The following COL26A1 variants were observed in gnomAD, a reference collection of about 807,000 sequenced individuals.
COL26A1 encodes collagen alpha-1(XXVI) chain.
Under a neutral mutation model 59.3 loss-of-function variants are expected in COL26A1, and 41 were observed. That is an observed-to-expected ratio of 0.69 (90% CI 0.54 to 0.90). The LOEUF is 0.90. COL26A1 is among the 40% of genes least tolerant of loss of function. The probability of loss-of-function intolerance (pLI) is 0.00; values close to 1 mark genes in which losing one functional copy is unlikely to be tolerated. For synonymous variants in COL26A1, 266 were observed against 256.0 expected (o/e 1.04, Z -0.37); for missense variants, 612 against 602.3 (o/e 1.02, Z -0.17).
At chr7:101,484,780 A>C (rs1188447473) in intron 3 of COL26A1, among the ~76,000 whole-genome samples, 1 of 152,034 alleles carries the variant, frequency 6.6e-6, no homozygotes, top group Non-Finnish European at 1.5e-5. Flanking sequence ...CTCCTGCCTC[A>C]GCCTCCCGAG....
intron 1 of COL26A1, among the ~76,000 whole-genome samples, chr7:101,400,020 G>A (rs1791953657): frequency 6.6e-6 from 1 of 152,254 alleles, no homozygotes; most frequent in South Asian, 2.1e-4. Flanking sequence ...GTGGTACAGT[G>A]GCTGCGAGTG....
chr7:101,552,644 C>T (rs764133784), intron 10 of COL26A1, among the ~76,000 whole-genome samples: 13 of 151,456 alleles, frequency 8.6e-5, no homozygotes, highest in Admixed American at 2.6e-4. Context: ...CGGTGGCTCA[C>T]GCCTGTAATC....
At chr7:101,385,292 G>T (rs895081186) in intron 1 of COL26A1, among the ~76,000 whole-genome samples, 4 of 149,920 alleles carry the variant, frequency 2.7e-5, no homozygotes, top group African/African-American at 9.8e-5. Context: ...TAGTATGTGT[G>T]TGTATATACG....
intron 1 of COL26A1, among the ~76,000 whole-genome samples, chr7:101,363,547 GGTTGGGGGCTGCAGACGGGGCA>G (rs1790958880): frequency 8.2e-6 from 1 of 121,608 alleles, no homozygotes; most frequent in African/African-American, 3.2e-5. Flanking sequence ...GGGCGGCGGG[GGTTGGGGGCTGCAGACGGGGCA>G]GCTGGAACGA....
rs376261236 is a variant in COL26A1, at chr7:101,419,966, T to G, written c.159-11T>G. ...CAGGCAGGGCTCATGTGACTGTTGC[T>G]CTCTCCACAGGCACTGGTGCCATCA... On this transcript the variant is annotated splice_polypyrimidine_tract_variant and intron_variant, in intron 1 of 12. Coordinates refer to ENST00000313669, the MANE Select transcript of COL26A1 (RefSeq NM_001278563.3). 7 of 1,613,016 alleles carry G rather than the reference T, an allele frequency of 4.3e-6. No homozygotes were observed. The African/African-American group carries it at 6.7e-5, about 15-fold the overall frequency.
intron 1 of COL26A1, among the ~76,000 whole-genome samples, chr7:101,415,979 C>T (rs2130258952): frequency 8.4e-6 from 1 of 118,408 alleles, no homozygotes; most frequent in South Asian, 2.8e-4. Flanking sequence ...TATGTATTTT[C>T]CTAGAAAATT....
chr7:101,544,021 C>T lies in COL26A1; in HGVS notation c.628C>T (p.Pro210Ser), dbSNP rs1211434592. ...PAGPPGQTGP[P>S]GPAGPPGSKG... ...AGGGCCCCCGGGGCAGACAGGACCACCAGGGCCTGCAGGCCCCCCCGGGTC... is the reference window on the plus strand; with the variant it reads ...AGGGCCCCCGGGGCAGACAGGACCATCAGGGCCTGCAGGCCCCCCCGGGTC... The change falls in exon 6 of 13, where the codon CCA becomes TCA. Residue 210 changes from proline (P) to serine (S), a missense_variant. Physicochemically the swap from Pro to Ser is moderately conservative, Grantham distance 74. Coordinates refer to ENST00000313669, the MANE Select transcript of COL26A1 (RefSeq NM_001278563.3). 3 of 1,591,110 alleles carry T rather than the reference C, an allele frequency of 1.9e-6. No individual in the cohort carries two copies. The highest frequency in any genetic ancestry group is 2.3e-5 in the East Asian group (1 of 43,966).
At chr7:101,448,409 A>G (rs1793252396) in intron 3 of COL26A1, among the ~76,000 whole-genome samples, 1 of 152,168 alleles carries the variant, frequency 6.6e-6, no homozygotes, top group South Asian at 2.1e-4. Flanking sequence ...AGTCCTGCCT[A>G]ATGAACAAGT....
chr7:101,410,138 C>T (rs1792211142), intron 1 of COL26A1, among the ~76,000 whole-genome samples: 1 of 151,850 alleles, frequency 6.6e-6, no homozygotes. Context: ...GGCATGAACT[C>T]TTAAGGGTGT....
In COL26A1 at chr7:101,362,973, G is replaced by T. The variant is rs1046992997; in HGVS notation, c.-60G>T. 6.7e-6 allele frequency: 10 copies of T among 1,503,126 alleles called. No individual in the cohort carries two copies. Among genetic ancestry groups the T allele is most frequent in the Non-Finnish European group, 8.8e-6 (10 of 1,132,730 alleles). The allele number at this position is 1,503,126 out of a possible 1,614,324, so 93.1% of individuals were successfully genotyped here. ...GTGCCGCGGGTTCGGTCCGGGCGCC[G>T]GTGCGCTCCTGCCGGTCCTCGTGCC... On this transcript the variant is annotated 5_prime_UTR_variant, in exon 1 of 13. Transcript: ENST00000313669.
At chr7:101,496,472 G>C (rs577609145) in intron 3 of COL26A1, among the ~76,000 whole-genome samples, 34 of 152,324 alleles carry the variant, frequency 2.2e-4, no homozygotes, top group African/African-American at 7.5e-4. Context: ...GTGTGGAGAT[G>C]GTTGATGGGT....
chr7:101,488,377 T>TATATATAC lies in COL26A1; in HGVS notation c.385+40591_385+40592insTATATACA, dbSNP rs1396620345. On this transcript the variant is annotated intron_variant, in intron 3 of 12. Coordinates refer to ENST00000313669, the MANE Select transcript of COL26A1 (RefSeq NM_001278563.3). ...ATATATATATATATATATATATATA[T>TATATATAC]ACACACACATTTTTTTTTTCCAGAG... 6.0e-3 allele frequency among the ~76,000 whole-genome samples: 276 copies of TATATATAC among 45,842 alleles called. 1 individual carries two copies. The highest frequency in any genetic ancestry group is 0.024 in the African/African-American group (266 of 11,308). 30.1% of individuals were successfully genotyped at this position (45,842 alleles called of 152,430 possible). A position where few individuals can be genotyped will look rare whatever the true frequency, so the allele number is the denominator to read the frequency against.
At chr7:101,525,589 C>G (rs192617606) in intron 3 of COL26A1, among the ~76,000 whole-genome samples, 2 of 147,704 alleles carry the variant, frequency 1.4e-5, no homozygotes, top group African/African-American at 5.0e-5. Flanking sequence ...CTCCGCCTCC[C>G]GGGTTCAAGC....
intron 3 of COL26A1, among the ~76,000 whole-genome samples, chr7:101,466,874 C>T (rs117963039): frequency 0.019 from 2,863 of 148,162 alleles, 37 homozygotes; most frequent in Non-Finnish European, 0.029. Context: ...TTTCATGCAA[C>T]GTGAAGGGTC....
chr7:101,374,803 C>T (rs6465804), intron 1 of COL26A1, among the ~76,000 whole-genome samples: 84,298 of 151,876 alleles, frequency 0.56, 24,388 homozygotes, highest in African/African-American at 0.72. Context: ...CGCCTGTAAT[C>T]CCAACACTTT....
chr7:101,497,201 A>G (rs1794608495), intron 3 of COL26A1, among the ~76,000 whole-genome samples: 1 of 152,166 alleles, frequency 6.6e-6, no homozygotes, highest in African/African-American at 2.4e-5. Context: ...TCAGGCCATT[A>G]CACTCCATCC....
chr7:101,511,936 G>A (rs1794935129), intron 3 of COL26A1, among the ~76,000 whole-genome samples: 1 of 152,162 alleles, frequency 6.6e-6, no homozygotes, highest in African/African-American at 2.4e-5. Context: ...GTTTGAAGCT[G>A]CAGTGAGCTA....
At chr7:101,551,019 C>A in intron 9 of COL26A1, 89 bp from the exon 10 acceptor site, 1 of 1,388,736 alleles carries the variant, frequency 7.2e-7, no homozygotes, top group Non-Finnish European at 1.0e-6. Context: ...AGACTCAGAG[C>A]ACAGTGGGCG....
Position 101,536,089 on chromosome 7 carries a change from C to A in COL26A1, c.447+2946C>A, listed in dbSNP as rs564249970. ...GTGGTGGCGTGATCTCAGCTCACTGCAACCTCTGCCTCCTGGGACAGGTTC... is the reference window on the plus strand; with the variant it reads ...GTGGTGGCGTGATCTCAGCTCACTGAAACCTCTGCCTCCTGGGACAGGTTC... On this transcript the variant is annotated intron_variant, in intron 4 of 12. Coordinates refer to ENST00000313669, the MANE Select transcript of COL26A1 (RefSeq NM_001278563.3). Among the ~76,000 whole-genome samples, 3 of 152,344 alleles carry A rather than the reference C, an allele frequency of 2.0e-5. No individual in the cohort carries two copies. In the East Asian group the frequency reaches 5.8e-4, roughly 29 times the overall value.
Sources: allele counts gnomAD v4.1 joint callset (sites outside exome capture counted in the v4.1 genomes callset), GRCh38; gene constraint gnomAD v4.1.1; transcripts MANE v1.5; gene names NCBI Gene and HGNC (gene_info 2026-07-23, HGNC 2026-07-21).